The following SLC20A2 variants were observed in gnomAD, a reference collection of about 807,000 sequenced individuals.
The protein encoded by SLC20A2 is solute carrier family 20 member 2, also known as sodium-dependent phosphate transporter 2.
A neutral mutation model predicts 61.0 loss-of-function variants in SLC20A2; 30 were observed. The observed-to-expected ratio is 0.49, with a 90% CI of 0.37 to 0.67. The LOEUF (loss-of-function observed/expected upper bound fraction) is 0.67, where lower values mean the gene tolerates loss of function less well. Ranked by LOEUF, SLC20A2 falls within the 30% of genes least tolerant of loss-of-function variation. The probability of loss-of-function intolerance (pLI) is 0.00; values close to 1 mark genes in which losing one functional copy is unlikely to be tolerated. For missense variants in SLC20A2, 626 were observed against 866.4 expected, an observed-to-expected ratio of 0.72 and a Z score of 3.48; for synonymous variants, 351 against 353.3, an observed-to-expected ratio of 0.99 and a Z score of 0.07.
chr8:42,417,752 A>G lies in SLC20A2; in HGVS notation c.*51T>C. 6.3e-7 allele frequency: 1 copy of G among 1,594,452 alleles called. No homozygotes were observed. Among genetic ancestry groups the G allele is most frequent in the Non-Finnish European group, 8.6e-7 (1 of 1,164,128 alleles). On this transcript the variant is annotated 3_prime_UTR_variant, in exon 11 of 11. Coordinates refer to ENST00000520262, the MANE Select transcript of SLC20A2 (RefSeq NM_001257180.2). ...CGGCACGAGCACACATGTCTCCCAC[A>G]CGCCAACACCAGACCATCCCTTTAG...
intron 4 of SLC20A2, among the ~76,000 whole-genome samples, chr8:42,461,196 A>G (rs1806668333): frequency 6.6e-6 from 1 of 152,156 alleles, no homozygotes; most frequent in Admixed American, 6.5e-5. Context: ...CCATGTGGCA[A>G]ACACCAAGAT....
At position 42,461,700 on chromosome 8, in the gene SLC20A2, G is replaced by A. The variant is rs150130840; in HGVS notation, c.516+1305C>T. On this transcript the variant is annotated intron_variant, in intron 4 of 10. Coordinates refer to ENST00000520262, the MANE Select transcript of SLC20A2 (RefSeq NM_001257180.2). ...CTCCTGACCTCAAGTGATCCACCGC[G>A]CCTGGCCTAAAATAACTTAGTCTTG... Among the ~76,000 whole-genome samples, 337 of 152,054 alleles carry A rather than the reference G, an allele frequency of 2.2e-3. 4 individuals are homozygous for A. The highest frequency in any genetic ancestry group is 3.4e-3 in the Middle Eastern group (1 of 294).
intron 1 of SLC20A2, chr8:42,484,908 A>ACAG (rs1808850620): frequency 2.4e-6 from 1 of 414,684 alleles, no homozygotes; most frequent in Non-Finnish European, 4.8e-6. Flanking sequence ...TGGCCCTGAG[A>ACAG]CAGCAGCAGC....
chr8:42,477,963 G>C (rs569594046), intron 1 of SLC20A2, among the ~76,000 whole-genome samples: 2 of 151,242 alleles, frequency 1.3e-5, no homozygotes, highest in Admixed American at 1.3e-4. Flanking sequence ...TCGGCTCACT[G>C]CAACCTCCGC....
At chr8:42,444,253 A>G (rs914993152) in intron 6 of SLC20A2, among the ~76,000 whole-genome samples, 1 of 152,210 alleles carries the variant, frequency 6.6e-6, no homozygotes, top group Non-Finnish European at 1.5e-5. Context: ...AACCTGGGAG[A>G]GTTCCAATTA....
chr8:42,494,073 G>C (rs1809733810), intron 1 of SLC20A2, among the ~76,000 whole-genome samples: 2 of 152,190 alleles, frequency 1.3e-5, no homozygotes, highest in Non-Finnish European at 2.9e-5. Flanking sequence ...AGCTGGGGGA[G>C]TCAAGGTTGC....
At chr8:42,421,082 C>T (rs931978922) in intron 10 of SLC20A2, among the ~76,000 whole-genome samples, 2 of 152,238 alleles carry the variant, frequency 1.3e-5, no homozygotes, top group Admixed American at 1.3e-4. Context: ...ATTACAACAT[C>T]TGGTTTTCCC....
At chr8:42,503,137 G>A (rs1810426725), upstream of SLC20A2, among the ~76,000 whole-genome samples, 1 of 152,186 alleles carries the variant, frequency 6.6e-6, no homozygotes, top group Admixed American at 6.5e-5. Flanking sequence ...AGCCACACCT[G>A]TTCCACAGTG....
intron 1 of SLC20A2, among the ~76,000 whole-genome samples, chr8:42,494,471 A>C (rs2131325664): frequency 6.6e-6 from 1 of 152,352 alleles, no homozygotes; most frequent in South Asian, 2.1e-4. Context: ...AATCACATAT[A>C]AGCTCACCTC....
In SLC20A2 at chr8:42,439,624, G is replaced by T. The variant is rs766050414; in HGVS notation, c.760C>A (p.Arg254=). The part of the protein sequence containing the change: ...GKLQKEGALS[R]VSDESLSKVQ... ...TTACTGAGGCTTTCGTCAGATACTCGTGATAAAGCACCTTCTTTTTGTAAT... is the reference window on the plus strand; with the variant it reads ...TTACTGAGGCTTTCGTCAGATACTCTTGATAAAGCACCTTCTTTTTGTAAT... Residue 254 remains arginine, a synonymous_variant, in exon 7 of 11, where the codon CGA becomes AGA. Coordinates refer to ENST00000520262, the MANE Select transcript of SLC20A2 (RefSeq NM_001257180.2). 3 of 1,614,102 alleles carry T rather than the reference G, an allele frequency of 1.9e-6. No individual in the cohort carries two copies. Among genetic ancestry groups the T allele is most frequent in the Non-Finnish European group, 2.5e-6 (3 of 1,179,952 alleles).
At chr8:42,449,264 C>T (rs776637296) in intron 5 of SLC20A2, among the ~76,000 whole-genome samples, 9 of 152,042 alleles carry the variant, frequency 5.9e-5, no homozygotes, top group Non-Finnish European at 1.0e-4. Context: ...CAGGAACCCG[C>T]GCAAGGAGCT....
chr8:42,430,293 G>T lies in SLC20A2; in HGVS notation c.1524-44C>A. The T allele has an allele frequency of 2.0e-6, 3 of 1,522,880 alleles. No individual in the cohort carries two copies. In the South Asian group the frequency reaches 3.7e-5, roughly 19 times the overall value. 94.3% of individuals were successfully genotyped at this position (1,522,880 alleles called of 1,614,324 possible). A position where few individuals can be genotyped will look rare whatever the true frequency, so the allele number is the denominator to read the frequency against. ...GAAAAGATTAACTATATATGCAAGC[G>T]GCAATGTACATGATACAGGTGACTT... On this transcript the variant is annotated intron_variant, in intron 8 of 10. Coordinates refer to ENST00000520262, the MANE Select transcript of SLC20A2 (RefSeq NM_001257180.2).
At chr8:42,439,361 C>A in intron 7 of SLC20A2, 89 bp downstream of exon 7, 1 of 1,256,368 alleles carries the variant, frequency 8.0e-7, no homozygotes, top group South Asian at 1.4e-5. Flanking sequence ...TGCATTAAAA[C>A]CAGATTGCCC....
At chr8:42,426,778 T>C (rs1445628605) in intron 10 of SLC20A2, among the ~76,000 whole-genome samples, 3 of 152,178 alleles carry the variant, frequency 2.0e-5, no homozygotes, top group African/African-American at 7.2e-5. Flanking sequence ...AGTCTTGCTT[T>C]AGTGTAGGTT....
intron 1 of SLC20A2, among the ~76,000 whole-genome samples, chr8:42,500,429 C>T (rs1204157807): frequency 6.6e-6 from 1 of 152,184 alleles, no homozygotes; most frequent in African/African-American, 2.4e-5. Flanking sequence ...CTTTTGATAA[C>T]TAACTCAGTC....
rs930263306 is a variant in SLC20A2, at chr8:42,441,840, T to C, written c.731-2187A>G. Among the ~76,000 whole-genome samples the C allele has an allele frequency of 2.0e-4, 31 of 152,000 alleles. 1 individual carries two copies. Among genetic ancestry groups the C allele is most frequent in the Admixed American group, 1.8e-3 (28 of 15,270 alleles). On this transcript the variant is annotated intron_variant, in intron 6 of 10. Transcript: ENST00000520262. ...TTATTTTTTGAATACAAGTCCTTTG[T>C]AGTTATGGGATGTGCAAACATTTTT... is the stretch of plus-strand genomic sequence containing the variant.
intron 1 of SLC20A2, among the ~76,000 whole-genome samples, chr8:42,531,098 T>C (rs1812290008): frequency 6.6e-6 from 1 of 152,222 alleles, no homozygotes; most frequent in African/African-American, 2.4e-5. Context: ...TGTACTGCTA[T>C]CATTCACGTA....
chr8:42,448,864 C>CTT (rs1805439799), intron 5 of SLC20A2, among the ~76,000 whole-genome samples: 2 of 152,122 alleles, frequency 1.3e-5, no homozygotes, highest in African/African-American at 2.4e-5. Flanking sequence ...ATCAGATGAG[C>CTT]ACAAGGATTT....
upstream of SLC20A2, among the ~76,000 whole-genome samples, chr8:42,501,915 A>G (rs905682193): frequency 2.6e-5 from 4 of 152,242 alleles, no homozygotes; most frequent in African/African-American, 7.2e-5. Context: ...AAAGACCCCA[A>G]ACATACAGCT....
Sources: allele counts gnomAD v4.1 joint callset (sites outside exome capture counted in the v4.1 genomes callset), GRCh38; gene constraint gnomAD v4.1.1; transcripts MANE v1.5; gene names NCBI Gene and HGNC (gene_info 2026-07-23, HGNC 2026-07-21).